RBM20: variants seen among roughly 807,000 people sequenced by gnomAD.
The protein encoded by RBM20 is RNA binding motif protein 20.
Under a neutral mutation model 110.1 loss-of-function variants are expected in RBM20, and 51 were observed. The observed-to-expected ratio is 0.46, with a 90% CI of 0.37 to 0.59. The LOEUF is 0.59. RBM20 is among the 20% of genes least tolerant of loss of function. RBM20 has a pLI of 0.00. For synonymous variants in RBM20, 589 were observed against 618.2 expected (o/e 0.95, Z 0.70); for missense variants, 1,512 against 1,574.9 (o/e 0.96, Z 0.68).
In RBM20 at chr10:110,711,158, C is replaced by T. The variant is rs544355425; in HGVS notation, c.191+66513C>T. On this transcript the variant is annotated intron_variant, in intron 1 of 13. Coordinates refer to ENST00000369519, the MANE Select transcript of RBM20 (RefSeq NM_001134363.3). The stretch of plus-strand genomic sequence containing the variant: ...CAGCCTGGCTAACATGGTGAAATCC[C>T]GTCTCTACTAAAAATACAAAAATTA... Among the ~76,000 whole-genome samples, 14 of 138,876 alleles carry T rather than the reference C, an allele frequency of 1.0e-4. No individual in the cohort carries two copies. In the South Asian group the frequency reaches 3.0e-3, roughly 30 times the overall value. The allele number at this position is 138,876 out of a possible 152,430, so 91.1% of individuals were successfully genotyped here. A position where few individuals can be genotyped will look rare whatever the true frequency, so the allele number is the denominator to read the frequency against.
chr10:110,752,677 A>T (rs1269538515), intron 1 of RBM20, among the ~76,000 whole-genome samples: 1 of 152,068 alleles, frequency 6.6e-6, no homozygotes, highest in East Asian at 1.9e-4. Flanking sequence ...TACTTAAGGC[A>T]TCTATGCAAA....
intron 4 of RBM20, 74 bp from the exon 5 acceptor site, chr10:110,784,718 C>T: frequency 1.0e-6 from 1 of 977,944 alleles, no homozygotes; most frequent in South Asian, 1.4e-5. Context: ...TTTTCTATGC[C>T]TGCTTATGTC....
intron 7 of RBM20, among the ~76,000 whole-genome samples, chr10:110,807,393 C>G (rs755725506): frequency 6.6e-6 from 1 of 152,206 alleles, no homozygotes; most frequent in Non-Finnish European, 1.5e-5. Flanking sequence ...CTAACTGCAC[C>G]TCTTTGACCC....
At chr10:110,772,984 AAAG>A (rs1481614902) in intron 1 of RBM20, among the ~76,000 whole-genome samples, 1 of 152,188 alleles carries the variant, frequency 6.6e-6, no homozygotes, top group Non-Finnish European at 1.5e-5. Flanking sequence ...TTTACAAAAA[AAAG>A]AACTCCCTGA....
At chr10:110,829,487 G>T (rs1845021640) in intron 12 of RBM20, among the ~76,000 whole-genome samples, 1 of 152,222 alleles carries the variant, frequency 6.6e-6, no homozygotes, top group African/African-American at 2.4e-5. Flanking sequence ...AAGCCAGACT[G>T]AGGAGGACGC....
chr10:110,663,167 A>C (rs755100801), intron 1 of RBM20, among the ~76,000 whole-genome samples: 2 of 152,016 alleles, frequency 1.3e-5, no homozygotes, highest in Non-Finnish European at 2.9e-5. Flanking sequence ...GGCGTTGCCC[A>C]GACTGGTCTC....
In RBM20 at chr10:110,812,362, C is replaced by A; in HGVS notation, c.1965C>A (p.Cys655Ter). Residue 655 changes from cysteine to a stop codon, truncating the protein, a stop_gained, in exon 9 of 14, where the codon TGC becomes TGA. Transcript: ENST00000369519. LOFTEE classifies it high-confidence loss of function. The part of the protein sequence containing the change: ...PRSHTPSFTS[C>*]SSSHSPPGPS... ...CCCACACTCCCAGCTTCACCTCCTG[C>A]AGCTCTTCCCACAGCCCTCCGGGCC... is the stretch of plus-strand genomic sequence containing the variant. 6.4e-7 allele frequency: 1 copy of A among 1,551,670 alleles called. No homozygotes were observed.
At chr10:110,796,023 A>C (rs1347136297) in intron 5 of RBM20, among the ~76,000 whole-genome samples, 1 of 152,212 alleles carries the variant, frequency 6.6e-6, no homozygotes, top group Non-Finnish European at 1.5e-5. Flanking sequence ...CTCCAAGCTA[A>C]AAATATTTCG....
At chr10:110,650,575 A>G (rs1395791352) in intron 1 of RBM20, among the ~76,000 whole-genome samples, 1 of 152,038 alleles carries the variant, frequency 6.6e-6, no homozygotes, top group Non-Finnish European at 1.5e-5. Flanking sequence ...GCCTTCTTTA[A>G]TGTGGTATTT....
intron 1 of RBM20, among the ~76,000 whole-genome samples, chr10:110,672,913 C>G (rs1862283240): frequency 6.6e-6 from 1 of 152,130 alleles, no homozygotes. Flanking sequence ...TTTATTTTTT[C>G]TAGTTTTTAA....
Position 110,781,563 on chromosome 10 carries a change from A to G in RBM20, c.954A>G (p.Gln318=), listed in dbSNP as rs766779254. 7.7e-6 allele frequency: 12 copies of G among 1,551,708 alleles called. No homozygotes were observed. In the South Asian group the frequency reaches 1.2e-4, roughly 15 times the overall value. Residue 318 remains glutamine, a synonymous_variant, in exon 2 of 14, where the codon CAA becomes CAG. Coordinates refer to ENST00000369519, the MANE Select transcript of RBM20 (RefSeq NM_001134363.3). ...CACTGCTGCAGGGCACAAACAGCCA[A>G]TGGGAGAGCCCCCATGGATTCTCGG... ...VGPLLQGTNS[Q]WESPHGFSGQ...
intron 1 of RBM20, among the ~76,000 whole-genome samples, chr10:110,653,379 T>A (rs1861978272): frequency 1.3e-5 from 2 of 152,188 alleles, no homozygotes; most frequent in Admixed American, 6.5e-5. Flanking sequence ...GAGTGTGCTC[T>A]CTCTTGCTTT....
intron 1 of RBM20, among the ~76,000 whole-genome samples, chr10:110,698,111 T>C (rs1257142415): frequency 6.6e-6 from 1 of 152,074 alleles, no homozygotes; most frequent in Non-Finnish European, 1.5e-5. Flanking sequence ...GGTTTTACTG[T>C]GTTAGCCAGG....
At chr10:110,783,106 A>G (rs1334765891) in intron 2 of RBM20, among the ~76,000 whole-genome samples, 1 of 152,124 alleles carries the variant, frequency 6.6e-6, no homozygotes, top group Non-Finnish European at 1.5e-5. Flanking sequence ...GAGGGAATCC[A>G]ATTTGTGAGT....
At chr10:110,737,047 C>T (rs144617770) in intron 1 of RBM20, among the ~76,000 whole-genome samples, 2,458 of 151,576 alleles carry the variant, frequency 0.016, 71 homozygotes, top group African/African-American at 0.057. Context: ...CATGGTGTTG[C>T]GCGCCTGTAA....
intron 1 of RBM20, among the ~76,000 whole-genome samples, chr10:110,681,267 A>G (rs1862420234): frequency 6.6e-6 from 1 of 152,212 alleles, no homozygotes; most frequent in Non-Finnish European, 1.5e-5. Flanking sequence ...GTCTGCACCA[A>G]ACCTCCTCCT....
intron 1 of RBM20, among the ~76,000 whole-genome samples, chr10:110,764,278 C>G (rs960287925): frequency 6.0e-5 from 3 of 49,886 alleles, no homozygotes; most frequent in African/African-American, 2.2e-4. Flanking sequence ...AGCAAGCAAA[C>G]AAACAAACAA....
intron 1 of RBM20, among the ~76,000 whole-genome samples, chr10:110,668,904 A>G (rs1167833046): frequency 6.6e-6 from 1 of 152,022 alleles, no homozygotes; most frequent in African/African-American, 2.4e-5. Flanking sequence ...AAAAAAACCA[A>G]AAAACCTACT....
At position 110,837,753 on chromosome 10, in the gene RBM20, A is replaced by G. The variant is rs1222355998; in HGVS notation, c.*1775A>G. 2 of 152,242 alleles carry G rather than the reference A, an allele frequency of 1.3e-5. No individual in the cohort carries two copies. Among genetic ancestry groups the G allele is most frequent in the Non-Finnish European group, 2.9e-5 (2 of 68,052 alleles). The allele number at this position is 152,242 out of a possible 1,614,324, so 9.4% of individuals were successfully genotyped here. ...AGTGTAAACCTGAAAGCACGCAGTCATTGGCAAGGGACAGGCTCATGGGAG... is the reference window on the plus strand; with the variant it reads ...AGTGTAAACCTGAAAGCACGCAGTCGTTGGCAAGGGACAGGCTCATGGGAG... On this transcript the variant is annotated 3_prime_UTR_variant, in exon 14 of 14. Coordinates refer to ENST00000369519, the MANE Select transcript of RBM20 (RefSeq NM_001134363.3).
Sources: gnomAD v4.1 joint callset for allele counts (sites outside exome capture counted in the v4.1 genomes callset) on GRCh38, gnomAD v4.1.1 for gene constraint, MANE v1.5 for transcripts, NCBI Gene and HGNC (gene_info 2026-07-23, HGNC 2026-07-21) for gene names.